ACYP2: variants seen among roughly 807,000 people sequenced by gnomAD.
ACYP2 encodes the protein acylphosphatase 2.
In ACYP2, 12 loss-of-function variants were observed where a neutral mutation model predicts 11.2. The ratio of observed to expected loss-of-function variants is 1.08; its 90% CI spans 0.69 to 1.74. The LOEUF is 1.74. Ranked by LOEUF, ACYP2 falls within the 40% of genes most tolerant of loss-of-function variation. The pLI is 0.00. For missense variants in ACYP2, 134 were observed against 101.9 expected (o/e 1.31, Z -1.35); for synonymous variants, 43 against 32.2 (o/e 1.33, Z -1.13).
intron 6 of ACYP2, among the ~76,000 whole-genome samples, chr2:54,184,306 C>T (rs1683876512): frequency 6.6e-6 from 1 of 152,094 alleles, no homozygotes; most frequent in Non-Finnish European, 1.5e-5. Context: ...GTTGCATTTG[C>T]CAGTTCTAAG....
At chr2:54,071,117 G>A (rs762337157) in intron 4 of ACYP2, among the ~76,000 whole-genome samples, 1 of 152,092 alleles carries the variant, frequency 6.6e-6, no homozygotes, top group Non-Finnish European at 1.5e-5. Flanking sequence ...CAATAAATTA[G>A]GAATAGAAGG....
chr2:53,972,697 A>G (rs1202015258), intron 1 of ACYP2, among the ~76,000 whole-genome samples: 2 of 152,232 alleles, frequency 1.3e-5, no homozygotes, highest in Admixed American at 6.5e-5. Flanking sequence ...GGTGTGACAT[A>G]ATCATGGCCT....
chr2:54,289,602 CAG>C (rs1387402628), intron 6 of ACYP2, among the ~76,000 whole-genome samples: 1 of 151,938 alleles, frequency 6.6e-6, no homozygotes, highest in East Asian at 1.9e-4. Context: ...GTCTACATAA[CAG>C]ACTGAAATTT....
chr2:54,017,299 CTCAG>C (rs1673749701), intron 2 of ACYP2, among the ~76,000 whole-genome samples: 1 of 133,628 alleles, frequency 7.5e-6, no homozygotes, highest in African/African-American at 3.0e-5. Flanking sequence ...GAGACAGAGT[CTCAG>C]TCTGTGCAGT....
chr2:54,110,499 T>C (rs1032750416), intron 4 of ACYP2, among the ~76,000 whole-genome samples: 11 of 152,156 alleles, frequency 7.2e-5, no homozygotes, highest in Admixed American at 2.6e-4. Context: ...GGTATATGTA[T>C]TGAATTCTGT....
intron 6 of ACYP2, among the ~76,000 whole-genome samples, chr2:54,244,811 A>C (rs762952993): frequency 6.6e-6 from 1 of 152,194 alleles, no homozygotes; most frequent in Non-Finnish European, 1.5e-5. Context: ...TGATGTTTCA[A>C]TATATACAAT....
Position 54,074,672 on chromosome 2 carries a change from T to C in ACYP2, c.277+17312T>C, listed in dbSNP as rs1451629665. 3.3e-5 allele frequency among the ~76,000 whole-genome samples: 5 copies of C among 151,910 alleles called. No homozygotes were observed. In the South Asian group the frequency reaches 1.0e-3, roughly 32 times the overall value. Reference sequence around the variant, plus strand: ...AGAAACAGAACAAACAGGATGTATTTATATACAGAAAGAAATGTATTTTAA... The same window carrying C: ...AGAAACAGAACAAACAGGATGTATTCATATACAGAAAGAAATGTATTTTAA... On this transcript the variant is annotated intron_variant, in intron 4 of 6. Coordinates refer to ENST00000607452, the MANE Select transcript of ACYP2 (RefSeq NM_001320586.2).
intron 4 of ACYP2, among the ~76,000 whole-genome samples, chr2:54,120,568 GAC>G (rs148500187): frequency 6.6e-6 from 1 of 152,224 alleles, no homozygotes; most frequent in East Asian, 1.9e-4. Flanking sequence ...GACTACTGAT[GAC>G]ACAGAATTCT....
chr2:54,017,789 G>A (rs553300873), intron 2 of ACYP2, among the ~76,000 whole-genome samples: 5 of 151,850 alleles, frequency 3.3e-5, no homozygotes, highest in African/African-American at 1.2e-4. Context: ...ACTGTATTAC[G>A]TGTGTGTGGG....
At chr2:54,089,620 G>A (rs1182002443) in intron 4 of ACYP2, among the ~76,000 whole-genome samples, 2 of 151,504 alleles carry the variant, frequency 1.3e-5, no homozygotes, top group Non-Finnish European at 2.9e-5. Context: ...CATGCCTGTA[G>A]TCCCAGCTAC....
At chr2:54,112,561 G>T (rs901592828) in intron 4 of ACYP2, among the ~76,000 whole-genome samples, 1 of 152,202 alleles carries the variant, frequency 6.6e-6, no homozygotes, top group African/African-American at 2.4e-5. Context: ...TTATGGTAGT[G>T]AAAAATGAGA....
chr2:54,076,304 T>C (rs145354910), intron 4 of ACYP2, among the ~76,000 whole-genome samples: 8 of 152,352 alleles, frequency 5.3e-5, no homozygotes, highest in Non-Finnish European at 7.3e-5. Flanking sequence ...ATTTAAAATT[T>C]ATACGGAGAA....
chr2:54,022,453 C>G (rs1227881606), intron 2 of ACYP2, among the ~76,000 whole-genome samples: 1 of 152,124 alleles, frequency 6.6e-6, no homozygotes, highest in African/African-American at 2.4e-5. Context: ...CTGATAGCAG[C>G]TCACTGCAGC....
At chr2:54,086,858 G>C (rs1488378305) in intron 4 of ACYP2, among the ~76,000 whole-genome samples, 1 of 152,196 alleles carries the variant, frequency 6.6e-6, no homozygotes, top group African/African-American at 2.4e-5. Flanking sequence ...CAGATTCAAA[G>C]CACATTTGTA....
chr2:54,197,912 T>C (rs771807752), intron 6 of ACYP2, among the ~76,000 whole-genome samples: 1 of 112,616 alleles, frequency 8.9e-6, no homozygotes, highest in Non-Finnish European at 2.0e-5. Flanking sequence ...TTATTTTATT[T>C]TATTATTTTA....
chr2:53,975,788 C>A (rs533765085), intron 2 of ACYP2, among the ~76,000 whole-genome samples: 1 of 152,120 alleles, frequency 6.6e-6, no homozygotes, highest in East Asian at 1.9e-4. Context: ...GCCAAGATCG[C>A]GCCACTGCAC....
chr2:54,199,175 G>T (rs539977144), intron 6 of ACYP2, among the ~76,000 whole-genome samples: 2 of 152,262 alleles, frequency 1.3e-5, no homozygotes, highest in East Asian at 3.9e-4. Context: ...GTCCTTGCTC[G>T]CTGAGTTGTA....
chr2:54,051,245 A>G (rs1309378327), intron 3 of ACYP2: 1 of 871,118 alleles, frequency 1.1e-6, no homozygotes, highest in East Asian at 2.4e-5. Context: ...GAGAGGCAAA[A>G]TGTCATCATA....
chr2:53,993,980 T>G (rs1672431230), intron 2 of ACYP2, among the ~76,000 whole-genome samples: 1 of 151,986 alleles, frequency 6.6e-6, no homozygotes, highest in Non-Finnish European at 1.5e-5. Flanking sequence ...GGTCAAGAAG[T>G]TGAGACCATC....
Sources: allele counts gnomAD v4.1 joint callset (sites outside exome capture counted in the v4.1 genomes callset), GRCh38; gene constraint gnomAD v4.1.1; transcripts MANE v1.5; gene names NCBI Gene and HGNC (gene_info 2026-07-23, HGNC 2026-07-21).